Variants in COL26A1 observed in about 807,000 individuals in gnomAD.
COL26A1 encodes the protein collagen type XXVI alpha 1 chain, also known as collagen alpha-1(XXVI) chain.
In COL26A1, 41 loss-of-function variants were observed where a neutral mutation model predicts 59.3. The observed-to-expected ratio is 0.69, with a 90% CI of 0.54 to 0.90. The LOEUF is 0.90. Among genes scored for constraint, COL26A1 ranks in the 40% least tolerant of loss-of-function variants. The pLI, the probability that COL26A1 is intolerant of heterozygous loss-of-function variation, is 0.00. For synonymous variants in COL26A1, 266 were observed against 256.0 expected, an observed-to-expected ratio of 1.04 and a Z score of -0.37; for missense variants, 612 against 602.3, an observed-to-expected ratio of 1.02 and a Z score of -0.17.
intron 3 of COL26A1, among the ~76,000 whole-genome samples, chr7:101,448,642 A>G (rs1327425927): frequency 6.6e-6 from 1 of 151,924 alleles, no homozygotes; most frequent in East Asian, 1.9e-4. Context: ...GTAGGTGTGC[A>G]CCACCATACC....
At chr7:101,501,752 G>A (rs1374798673) in intron 3 of COL26A1, among the ~76,000 whole-genome samples, 1 of 152,230 alleles carries the variant, frequency 6.6e-6, no homozygotes, top group African/African-American at 2.4e-5. Flanking sequence ...CTCATAGAAA[G>A]TATGTGTGTG....
intron 3 of COL26A1, among the ~76,000 whole-genome samples, chr7:101,517,504 T>C (rs1431229467): frequency 6.6e-6 from 1 of 152,210 alleles, no homozygotes; most frequent in African/African-American, 2.4e-5. Context: ...AGAGAGCTTG[T>C]GCTGGGTGCA....
chr7:101,446,089 G>A (rs202034329), intron 2 of COL26A1, among the ~76,000 whole-genome samples: 164 of 142,400 alleles, frequency 1.2e-3, no homozygotes, highest in African/African-American at 4.0e-3. Flanking sequence ...TGGGGGAGGC[G>A]CCACACCATT....
At chr7:101,467,345 G>C (rs906672869) in intron 3 of COL26A1, among the ~76,000 whole-genome samples, 12 of 143,398 alleles carry the variant, frequency 8.4e-5, no homozygotes, top group Admixed American at 2.1e-4. Flanking sequence ...CTGGTTTCAT[G>C]GCGAAATGCA....
intron 3 of COL26A1, among the ~76,000 whole-genome samples, chr7:101,480,904 G>T (rs945045324): frequency 6.6e-6 from 1 of 152,128 alleles, no homozygotes; most frequent in Non-Finnish European, 1.5e-5. Context: ...GTTTTTCAAT[G>T]AGAAAACAAG....
intron 3 of COL26A1, among the ~76,000 whole-genome samples, chr7:101,481,457 TATA>T (rs1298488405): frequency 6.7e-6 from 1 of 148,848 alleles, no homozygotes; most frequent in African/African-American, 2.5e-5. Flanking sequence ...AATATATATA[TATA>T]TATATATAAT....
chr7:101,555,782 G>C lies in COL26A1; in HGVS notation c.1081-5G>C, dbSNP rs543836233. 1 of 1,605,834 alleles carries C rather than the reference G, an allele frequency of 6.2e-7. No homozygotes were observed. The highest frequency in any genetic ancestry group is 2.2e-5 in the East Asian group (1 of 44,656). ...CCCTGACCCTGCCTGTTTCCTCCCCGCCAGGGCGAGGGGGTGCAGCAGCTG... is the reference window on the plus strand; with the variant it reads ...CCCTGACCCTGCCTGTTTCCTCCCCCCCAGGGCGAGGGGGTGCAGCAGCTG... On this transcript the variant is annotated splice_polypyrimidine_tract_variant and splice_region_variant and intron_variant, in intron 11 of 12. Transcript: ENST00000313669.
intron 3 of COL26A1, among the ~76,000 whole-genome samples, chr7:101,474,583 C>A (rs1361826079): frequency 1.3e-5 from 2 of 151,998 alleles, no homozygotes; most frequent in African/African-American, 4.8e-5. Context: ...CAGAGCCAGA[C>A]CCTGTCTCAA....
rs139217203 is a variant in COL26A1, at chr7:101,491,165, C to T, written c.386-41917C>T. 4.1e-3 allele frequency among the ~76,000 whole-genome samples: 627 copies of T among 152,168 alleles called. 4 individuals are homozygous for T. Among genetic ancestry groups the T allele is most frequent in the Middle Eastern group, 6.8e-3 (2 of 294 alleles). ...ATGGGGATGATTGTGCATGCTCCCCCCTGCACGGCATGGTCAGCTGTGTTT... is the reference window on the plus strand; with the variant it reads ...ATGGGGATGATTGTGCATGCTCCCCTCTGCACGGCATGGTCAGCTGTGTTT... On this transcript the variant is annotated intron_variant, in intron 3 of 12. Coordinates refer to ENST00000313669, the MANE Select transcript of COL26A1 (RefSeq NM_001278563.3).
intron 3 of COL26A1, among the ~76,000 whole-genome samples, chr7:101,449,638 C>T (rs1464646094): frequency 6.6e-6 from 1 of 151,932 alleles, no homozygotes; most frequent in African/African-American, 2.4e-5. Flanking sequence ...GGTGAGGTGG[C>T]ATGTGCCTGT....
intron 2 of COL26A1, among the ~76,000 whole-genome samples, chr7:101,441,969 G>A (rs1793069239): frequency 6.6e-6 from 1 of 152,144 alleles, no homozygotes; most frequent in Non-Finnish European, 1.5e-5. Flanking sequence ...TTAGGTACCT[G>A]TGCAATGTTG....
chr7:101,511,182 G>A (rs763767447), intron 3 of COL26A1, among the ~76,000 whole-genome samples: 16 of 152,128 alleles, frequency 1.1e-4, no homozygotes, highest in African/African-American at 1.7e-4. Context: ...GATTACAGGC[G>A]TGAGCCACCG....
At chr7:101,389,555 T>C (rs1404990713) in intron 1 of COL26A1, among the ~76,000 whole-genome samples, 1 of 151,874 alleles carries the variant, frequency 6.6e-6, no homozygotes, top group Non-Finnish European at 1.5e-5. Flanking sequence ...ATTTTTTTTG[T>C]ATTTTATTTT....
chr7:101,502,069 G>C (rs1558011), intron 3 of COL26A1, among the ~76,000 whole-genome samples: 8 of 152,090 alleles, frequency 5.3e-5, no homozygotes, highest in Non-Finnish European at 1.0e-4. Context: ...ATGCTTGAAG[G>C]CCGGGTGCGG....
intron 1 of COL26A1, among the ~76,000 whole-genome samples, chr7:101,392,285 A>AGT (rs1312348845): frequency 6.6e-6 from 1 of 151,906 alleles, no homozygotes; most frequent in Admixed American, 6.6e-5. Flanking sequence ...CTGTTGGGGC[A>AGT]GTGTGCATCT....
intron 3 of COL26A1, among the ~76,000 whole-genome samples, chr7:101,466,998 C>A (rs926097659): frequency 6.6e-6 from 1 of 151,812 alleles, no homozygotes; most frequent in African/African-American, 2.4e-5. Context: ...AGTTAGTGAC[C>A]CCCTGCAAAG....
intron 3 of COL26A1, among the ~76,000 whole-genome samples, chr7:101,510,174 AC>A (rs1226142687): frequency 1.3e-5 from 2 of 151,890 alleles, no homozygotes; most frequent in Non-Finnish European, 2.9e-5. Context: ...GGCAATCATC[AC>A]CAAGCCCAGA....
At chr7:101,550,970 G>C in intron 9 of COL26A1, 138 bp from the exon 10 acceptor site, 1 of 957,002 alleles carries the variant, frequency 1.0e-6, no homozygotes, top group Non-Finnish European at 1.6e-6. Flanking sequence ...TGCCCTTCCC[G>C]TGCCGGCCGG....
At chr7:101,445,605 G>A (rs1010567918) in intron 2 of COL26A1, among the ~76,000 whole-genome samples, 5 of 150,412 alleles carry the variant, frequency 3.3e-5, no homozygotes, top group Admixed American at 6.7e-5. Context: ...GGTGGCGGGC[G>A]CCTGTAGTCC....
Sources: gnomAD v4.1 joint callset for allele counts (sites outside exome capture counted in the v4.1 genomes callset) on GRCh38, gnomAD v4.1.1 for gene constraint, MANE v1.5 for transcripts, NCBI Gene and HGNC (gene_info 2026-07-23, HGNC 2026-07-21) for gene names.